Variants in VSIG10 observed in about 807,000 individuals in gnomAD.
VSIG10 encodes V-set and immunoglobulin domain containing 10.
A neutral mutation model predicts 58.7 loss-of-function variants in VSIG10; 48 were observed. The observed-to-expected ratio is 0.82, with a 90% confidence interval of 0.65 to 1.04. VSIG10 has a LOEUF of 1.04. Among genes scored for constraint, VSIG10 ranks in the 50% least tolerant of loss-of-function variants. The probability of loss-of-function intolerance (pLI) is 0.00; values close to 1 mark genes in which losing one functional copy is unlikely to be tolerated. For missense variants in VSIG10, 628 were observed against 670.0 expected, an observed-to-expected ratio of 0.94 and a Z score of 0.69; for synonymous variants, 260 against 267.1, an observed-to-expected ratio of 0.97 and a Z score of 0.26.
rs61523301 is a variant in VSIG10 at position 118,083,114 on chromosome 12, C to CAAAA, written c.362-689_362-686dup. Reference sequence around the variant, plus strand: ...AGCAACACAGCAAGTCTCCGTCTCACAAAAAAAAAAAAAAAAAAAAAAAAA... The same window carrying CAAAA: ...AGCAACACAGCAAGTCTCCGTCTCACAAAAAAAAAAAAAAAAAAAAAAAAAAAAA... On this transcript the variant is annotated intron_variant, in intron 2 of 8. Transcript: ENST00000359236. 2.2e-3 allele frequency among the ~76,000 whole-genome samples: 123 copies of CAAAA among 55,028 alleles called. 3 individuals are homozygous for CAAAA. The highest frequency in any genetic ancestry group is 3.2e-3 in the Non-Finnish European group (96 of 30,136). The allele number at this position is 55,028 out of a possible 152,430, so 36.1% of individuals were successfully genotyped here. A position where few individuals can be genotyped will look rare whatever the true frequency, so the allele number is the denominator to read the frequency against.
chr12:118,098,717 A>G lies in VSIG10; in HGVS notation c.80-2903T>C, dbSNP rs1429089635. ...CTGATGGACAAGTAGGAATCAGCCA[A>G]GAAAAGGTGAGGATGGGTTCCCAGG... On this transcript the variant is annotated intron_variant, in intron 1 of 8. Transcript: ENST00000359236. Among the ~76,000 whole-genome samples, 8 of 152,292 alleles carry G rather than the reference A, an allele frequency of 5.3e-5. No individual in the cohort carries two copies. In the East Asian group the frequency reaches 9.7e-4, roughly 18 times the overall value.
At chr12:118,075,162 G>GTGTATATATGTATATATGTGTATATGTA (rs1566159815) in intron 4 of VSIG10, among the ~76,000 whole-genome samples, 4 of 85,374 alleles carry the variant, frequency 4.7e-5, no homozygotes, top group African/African-American at 1.6e-4. Flanking sequence ...GTATATATAT[G>GTGTATATATGTATATATGTGTATATGTA]TATATATATG....
intron 1 of VSIG10, 107 bp from the exon 2 acceptor site, chr12:118,095,921 TTC>T (rs1394383766): frequency 1.2e-5 from 15 of 1,230,250 alleles, no homozygotes; most frequent in South Asian, 1.6e-5. Flanking sequence ...CAGGTATATG[TTC>T]TTTTTTTTTT....
At chr12:118,070,009 G>A (rs1593491343) in intron 7 of VSIG10, among the ~76,000 whole-genome samples, 1 of 152,104 alleles carries the variant, frequency 6.6e-6, no homozygotes, top group Non-Finnish European at 1.5e-5. Context: ...TACTAAGAAT[G>A]GCCCTCCAAT....
chr12:118,103,810 A>C lies in VSIG10; in HGVS notation c.-139T>G. On this transcript the variant is annotated 5_prime_UTR_variant, in exon 1 of 9. Transcript: ENST00000359236. ...GAGTGGCCCCACTTCCTCGGCCCCC[A>C]GGAAGGATGCTTGGCTGAGCCGAGT... 1 of 806,608 alleles carries C rather than the reference A, an allele frequency of 1.2e-6. No homozygotes were observed. Among genetic ancestry groups the C allele is most frequent in the Non-Finnish European group, 1.8e-6 (1 of 562,980 alleles). 50.0% of individuals were successfully genotyped at this position (806,608 alleles called of 1,614,324 possible). A position where few individuals can be genotyped will look rare whatever the true frequency, so the allele number is the denominator to read the frequency against.
chr12:118,081,716 C>T (rs918172921), intron 3 of VSIG10, among the ~76,000 whole-genome samples: 1 of 152,104 alleles, frequency 6.6e-6, no homozygotes, highest in African/African-American at 2.4e-5. Flanking sequence ...AGCAGGCACC[C>T]CCTTAAAGAC....
At chr12:118,098,814 C>G (rs2033544135) in intron 1 of VSIG10, among the ~76,000 whole-genome samples, 1 of 152,096 alleles carries the variant, frequency 6.6e-6, no homozygotes, top group Admixed American at 6.6e-5. Flanking sequence ...CAAGCCTCAC[C>G]CCAAAACACC....
intron 2 of VSIG10, among the ~76,000 whole-genome samples, chr12:118,091,004 A>G (rs1176467653): frequency 1.3e-5 from 2 of 152,086 alleles, no homozygotes; most frequent in African/African-American, 4.8e-5. Flanking sequence ...GTTTGGTGGC[A>G]CACATCTGTA....
rs1334104317 is a variant in VSIG10 at position 118,066,244 on chromosome 12, T to G, written c.*395A>C. ...CTGGGCAATAGAGGGAGACTCCGTC[T>G]CAAAAAAAAAAAAAAAAAAAAAAAA... On this transcript the variant is annotated 3_prime_UTR_variant, in exon 9 of 9. Coordinates refer to ENST00000359236, the MANE Select transcript of VSIG10 (RefSeq NM_019086.6). 4.7e-5 allele frequency: 2 copies of G among 42,774 alleles called. No homozygotes were observed. The highest frequency in any genetic ancestry group is 8.2e-5 in the Non-Finnish European group (2 of 24,446). 2.6% of individuals were successfully genotyped at this position (42,774 alleles called of 1,614,324 possible). A position where few individuals can be genotyped will look rare whatever the true frequency, so the allele number is the denominator to read the frequency against.
chr12:118,082,205 G>A lies in VSIG10; in HGVS notation c.586C>T (p.Gln196Ter). Residue 196 changes from glutamine to a stop codon, truncating the protein, a stop_gained, in exon 3 of 9, where the codon CAA becomes TAA. Coordinates refer to ENST00000359236, the MANE Select transcript of VSIG10 (RefSeq NM_019086.6). LOFTEE classifies it high-confidence loss of function. ...FSLLLISPNL[Q>*]GNYTCLALNQ... ...AAGGCTAAACAGGTGTAGTTCCCTT[G>A]GAGGTTTGGCGATATCAGTAACAGT... The A allele has an allele frequency of 1.2e-6, 2 of 1,613,888 alleles. No homozygotes were observed. Among genetic ancestry groups the A allele is most frequent in the Non-Finnish European group, 1.7e-6 (2 of 1,179,862 alleles).
At position 118,103,766 on chromosome 12, in the gene VSIG10, C is replaced by T; in HGVS notation, c.-95G>A. The stretch of plus-strand genomic sequence containing the variant: ...GGGCCCGGGGTACCGAGGGCTCCTC[C>T]CAGGTCCTCGGAACGGCAGAGTGGC... On this transcript the variant is annotated 5_prime_UTR_variant, in exon 1 of 9. Transcript: ENST00000359236. The T allele has an allele frequency of 8.0e-7, 1 of 1,250,250 alleles. No homozygotes were observed. The highest frequency in any genetic ancestry group is 1.0e-6 in the Non-Finnish European group (1 of 960,944). The allele number at this position is 1,250,250 out of a possible 1,614,324, so 77.4% of individuals were successfully genotyped here. A position where few individuals can be genotyped will look rare whatever the true frequency, so the allele number is the denominator to read the frequency against.
chr12:118,072,587 G>A (rs2032542391), intron 5 of VSIG10, among the ~76,000 whole-genome samples: 1 of 152,078 alleles, frequency 6.6e-6, no homozygotes, highest in Non-Finnish European at 1.5e-5. Context: ...GCCAGGTGTG[G>A]TGGCTCATGC....
chr12:118,084,499 C>T (rs1353564761), intron 2 of VSIG10, among the ~76,000 whole-genome samples: 4 of 152,204 alleles, frequency 2.6e-5, no homozygotes, highest in African/African-American at 9.6e-5. Flanking sequence ...CAACAACCGA[C>T]TTTCTCTTGA....
intron 4 of VSIG10, among the ~76,000 whole-genome samples, chr12:118,078,367 C>G (rs1254266636): frequency 2.6e-5 from 4 of 151,966 alleles, no homozygotes; most frequent in Admixed American, 6.6e-5. Context: ...TCATGTTGGC[C>G]AGGCTGGTCT....
chr12:118,067,891 T>C (rs1325991997), intron 8 of VSIG10, among the ~76,000 whole-genome samples: 3 of 152,266 alleles, frequency 2.0e-5, no homozygotes, highest in African/African-American at 7.2e-5. Context: ...GATTTTCATG[T>C]TGGTAGTTGA....
intron 8 of VSIG10, among the ~76,000 whole-genome samples, chr12:118,067,047 TATCTTTCTCTGAG>T (rs1199564967): frequency 1.3e-5 from 2 of 152,086 alleles, no homozygotes; most frequent in African/African-American, 4.8e-5. Context: ...TCCGGGCTCT[TATCTTTCTCTGAG>T]GTCCTATAAA....
Position 118,065,398 on chromosome 12 carries a change from A to C in VSIG10, c.*1241T>G, listed in dbSNP as rs2032212885. 1 of 152,264 alleles carries C rather than the reference A, an allele frequency of 6.6e-6. No individual in the cohort carries two copies. The highest frequency in any genetic ancestry group is 1.5e-5 in the Non-Finnish European group (1 of 68,044). The allele number at this position is 152,264 out of a possible 1,614,324, so 9.4% of individuals were successfully genotyped here. A position where few individuals can be genotyped will look rare whatever the true frequency, so the allele number is the denominator to read the frequency against. On this transcript the variant is annotated 3_prime_UTR_variant, in exon 9 of 9. Transcript: ENST00000359236. ...TGAAGCTCTGCAAAATGTAGTTATA[A>C]TGAAAGGCACTTCCTATTACCAGCT...
At chr12:118,077,538 T>C (rs1367518278) in intron 4 of VSIG10, among the ~76,000 whole-genome samples, 1 of 152,176 alleles carries the variant, frequency 6.6e-6, no homozygotes, top group Non-Finnish European at 1.5e-5. Flanking sequence ...TGTACAGACA[T>C]TCTCTGACAC....
In VSIG10 at chr12:118,082,265, A is replaced by C; in HGVS notation, c.526T>G (p.Ser176Ala). 6.2e-7 allele frequency: 1 copy of C among 1,613,764 alleles called. No homozygotes were observed. Among genetic ancestry groups the C allele is most frequent in the Non-Finnish European group, 8.5e-7 (1 of 1,179,856 alleles). The change falls in exon 3 of 9, where the codon TCC becomes GCC. Residue 176 changes from serine (S) to alanine (A), a missense_variant. Physicochemically the swap from Ser to Ala is moderately conservative, Grantham distance 99 (BLOSUM62 1). Transcript: ENST00000359236. ...TTGACTGTCAGGTTGTGGCCAAAGG[A>C]CTCGCTGCTGGAATTCAGGGCCTGG... ...WFQALNSSSE[S>A]FGHNLTVNFF...
Sources: allele counts gnomAD v4.1 joint callset (sites outside exome capture counted in the v4.1 genomes callset), GRCh38; gene constraint gnomAD v4.1.1; transcripts MANE v1.5; gene names NCBI Gene and HGNC (gene_info 2026-07-23, HGNC 2026-07-21).